OSBPL8: variants seen among roughly 807,000 people sequenced by gnomAD.
OSBPL8 encodes oxysterol binding protein like 8.
In OSBPL8, 59 loss-of-function variants were observed where a neutral mutation model predicts 125.5. The ratio of observed to expected loss-of-function variants is 0.47; its 90% CI spans 0.38 to 0.58. The LOEUF (loss-of-function observed/expected upper bound fraction) is 0.58, where lower values mean the gene tolerates loss of function less well. Among genes scored for constraint, OSBPL8 ranks in the 20% least tolerant of loss-of-function variants. The probability of loss-of-function intolerance (pLI) is 0.00; values close to 1 mark genes in which losing one functional copy is unlikely to be tolerated. For missense variants in OSBPL8, 758 were observed against 1,047.8 expected (o/e 0.72, Z 3.82); for synonymous variants, 330 against 338.9 (o/e 0.97, Z 0.29).
intron 2 of OSBPL8, among the ~76,000 whole-genome samples, chr12:76,475,548 T>C (rs1174516396): frequency 6.6e-6 from 1 of 152,266 alleles, no homozygotes; most frequent in East Asian, 1.9e-4. Context: ...ATGAATTAAC[T>C]GTGCAACAGT....
chr12:76,557,915 C>T (rs1951157713), intron 1 of OSBPL8, among the ~76,000 whole-genome samples: 2 of 152,116 alleles, frequency 1.3e-5, no homozygotes. Flanking sequence ...ATGATTCAAT[C>T]AAAGAGAAAT....
rs555781223 is a variant in OSBPL8 at position 76,398,879 on chromosome 12, C to T, written c.469-982G>A. Among the ~76,000 whole-genome samples the T allele has an allele frequency of 2.0e-4, 31 of 152,126 alleles. No homozygotes were observed. In the South Asian group the frequency reaches 4.6e-3, roughly 22 times the overall value. On this transcript the variant is annotated intron_variant, in intron 7 of 23. Transcript: ENST00000261183. ...AAGAGAGGCGAAAGGGAGATAGGTACCCTGAAATAACATTTTGGATCATGG... is the reference window on the plus strand; with the variant it reads ...AAGAGAGGCGAAAGGGAGATAGGTATCCTGAAATAACATTTTGGATCATGG...
rs563539917 is a variant in OSBPL8, at chr12:76,354,524, C to T, written c.*1365G>A. On this transcript the variant is annotated 3_prime_UTR_variant, in exon 24 of 24. Coordinates refer to ENST00000261183, the MANE Select transcript of OSBPL8 (RefSeq NM_020841.5). Reference sequence around the variant, plus strand: ...TGGTCAGGGCAATTATTCTCTCTGACCTTCATTTTCATTAAAAAAACATTT... The same window carrying T: ...TGGTCAGGGCAATTATTCTCTCTGATCTTCATTTTCATTAAAAAAACATTT... 1 of 151,786 alleles carries T rather than the reference C, an allele frequency of 6.6e-6. No homozygotes were observed. The highest frequency in any genetic ancestry group is 1.5e-5 in the Non-Finnish European group (1 of 67,812). The allele number at this position is 151,786 out of a possible 1,614,324, so 9.4% of individuals were successfully genotyped here.
At chr12:76,429,266 A>G (rs900582732) in intron 4 of OSBPL8, among the ~76,000 whole-genome samples, 2 of 151,802 alleles carry the variant, frequency 1.3e-5, no homozygotes, top group African/African-American at 4.8e-5. Context: ...CTCTGGATAA[A>G]AAGTTCTTTA....
chr12:76,487,490 G>A lies in OSBPL8; in HGVS notation c.42+20C>T. The A allele has an allele frequency of 6.3e-7, 1 of 1,582,580 alleles. No homozygotes were observed. The highest frequency in any genetic ancestry group is 8.6e-7 in the Non-Finnish European group (1 of 1,166,806). On this transcript the variant is annotated intron_variant, in intron 2 of 23. Coordinates refer to ENST00000261183, the MANE Select transcript of OSBPL8 (RefSeq NM_020841.5). Reference sequence around the variant, plus strand: ...CACAGTTACAGATGATAGAACCTATGTCATATATGAACTACTCACCGAAGT... The same window carrying A: ...CACAGTTACAGATGATAGAACCTATATCATATATGAACTACTCACCGAAGT...
intron 1 of OSBPL8, among the ~76,000 whole-genome samples, chr12:76,530,220 C>CTT (rs59016280): frequency 5.6e-4 from 60 of 107,200 alleles, no homozygotes; most frequent in African/African-American, 1.3e-3. Context: ...CCGGGCCTGG[C>CTT]TTTTTTTTTT....
chr12:76,503,244 C>T (rs1165100497), intron 1 of OSBPL8, among the ~76,000 whole-genome samples: 1 of 152,166 alleles, frequency 6.6e-6, no homozygotes. Flanking sequence ...GGCTAGATGT[C>T]CAAGATCAAG....
chr12:76,369,177 T>A (rs1282703787), intron 21 of OSBPL8, 37 bp downstream of exon 21: 1 of 1,585,116 alleles, frequency 6.3e-7, no homozygotes, highest in Non-Finnish European at 8.5e-7. Flanking sequence ...ATTTAACAGA[T>A]TTATATACCT....
intron 1 of OSBPL8, among the ~76,000 whole-genome samples, chr12:76,515,845 C>T (rs1881481447): frequency 1.3e-5 from 2 of 152,132 alleles, no homozygotes. Context: ...TTCCATTCCT[C>T]CCTGTGAGAG....
intron 1 of OSBPL8, among the ~76,000 whole-genome samples, chr12:76,506,234 G>A (rs904206609): frequency 1.3e-5 from 2 of 152,182 alleles, no homozygotes; most frequent in African/African-American, 4.8e-5. Flanking sequence ...GAAGACTTGG[G>A]GAAGAAAGGG....
intron 2 of OSBPL8, among the ~76,000 whole-genome samples, chr12:76,474,749 C>T (rs1876590153): frequency 6.6e-6 from 1 of 152,184 alleles, no homozygotes; most frequent in South Asian, 2.1e-4. Flanking sequence ...TCCCAAAGTG[C>T]TGGGATTACA....
At chr12:76,533,105 AC>A (rs1263536429) in intron 1 of OSBPL8, among the ~76,000 whole-genome samples, 4 of 152,256 alleles carry the variant, frequency 2.6e-5, no homozygotes, top group African/African-American at 9.6e-5. Flanking sequence ...AAATGAATTT[AC>A]AAAAGTAAAA....
intron 4 of OSBPL8, among the ~76,000 whole-genome samples, chr12:76,421,044 T>G (rs1056569741): frequency 1.3e-5 from 2 of 152,044 alleles, no homozygotes; most frequent in African/African-American, 4.8e-5. Flanking sequence ...CCTAATTAAA[T>G]AAGTACCAAA....
At chr12:76,454,506 T>C (rs116769381) in intron 3 of OSBPL8, among the ~76,000 whole-genome samples, 1,596 of 151,694 alleles carry the variant, frequency 0.011, 35 homozygotes, top group African/African-American at 0.037. Context: ...CTAGACAACA[T>C]AGCAAGACCT....
chr12:76,434,664 T>G (rs1871238460), intron 4 of OSBPL8, among the ~76,000 whole-genome samples: 1 of 151,904 alleles, frequency 6.6e-6, no homozygotes, highest in South Asian at 2.1e-4. Context: ...ATTTAAAAAA[T>G]GAAAACAAAC....
In OSBPL8 at chr12:76,559,605, G is replaced by A. The variant is rs1032585958; in HGVS notation, c.-276C>T. The A allele has an allele frequency of 2.0e-5, 3 of 152,222 alleles. No homozygotes were observed. Among genetic ancestry groups the A allele is most frequent in the African/African-American group, 4.8e-5 (2 of 41,460 alleles). 9.4% of individuals were successfully genotyped at this position (152,222 alleles called of 1,614,324 possible). A position where few individuals can be genotyped will look rare whatever the true frequency, so the allele number is the denominator to read the frequency against. On this transcript the variant is annotated 5_prime_UTR_variant, in exon 1 of 24. Coordinates refer to ENST00000261183, the MANE Select transcript of OSBPL8 (RefSeq NM_020841.5). Reference sequence around the variant, plus strand: ...CCGGCTCAGCCCCCGAGCGGGGCGGGAACTTTCGGCCCCGAGGTCCACCAG... The same window carrying A: ...CCGGCTCAGCCCCCGAGCGGGGCGGAAACTTTCGGCCCCGAGGTCCACCAG...
chr12:76,557,064 C>G lies in OSBPL8; in HGVS notation c.-68+2333G>C, dbSNP rs888458358. Reference sequence around the variant, plus strand: ...TATGTCCTCTTTGAATTGCCTGATGCTCCAAGAACATTGCTATAAATGTTT... The same window carrying G: ...TATGTCCTCTTTGAATTGCCTGATGGTCCAAGAACATTGCTATAAATGTTT... On this transcript the variant is annotated intron_variant, in intron 1 of 23. Transcript: ENST00000261183. Among the ~76,000 whole-genome samples the G allele has an allele frequency of 2.0e-5, 3 of 152,266 alleles. No homozygotes were observed. In the South Asian group the frequency reaches 6.2e-4, roughly 32 times the overall value.
intron 2 of OSBPL8, among the ~76,000 whole-genome samples, chr12:76,479,954 G>A (rs1205218971): frequency 1.3e-5 from 2 of 152,064 alleles, no homozygotes; most frequent in South Asian, 2.1e-4. Flanking sequence ...ATCACCTGAG[G>A]TCGGGAGTTC....
At chr12:76,356,554 G>A in intron 23 of OSBPL8, 72 bp downstream of exon 23, 2 of 927,484 alleles carry the variant, frequency 2.2e-6, no homozygotes, top group South Asian at 1.6e-5. Flanking sequence ...GTCTGCATAT[G>A]ATTTCCCATA....
Sources: allele counts gnomAD v4.1 joint callset (sites outside exome capture counted in the v4.1 genomes callset), GRCh38; gene constraint gnomAD v4.1.1; transcripts MANE v1.5; gene names NCBI Gene and HGNC (gene_info 2026-07-23, HGNC 2026-07-21).